IL17RC: variants seen among roughly 807,000 people sequenced by gnomAD.
The protein encoded by IL17RC is interleukin-17 receptor C.
IL17RC carries 53 observed loss-of-function variants against 86.7 expected under a neutral mutation model. That is an observed-to-expected ratio of 0.61 (90% CI 0.49 to 0.77). The LOEUF (loss-of-function observed/expected upper bound fraction) is 0.77. Ranked by LOEUF, IL17RC falls within the 30% of genes least tolerant of loss-of-function variation. The pLI, the probability that IL17RC is intolerant of heterozygous loss-of-function variation, is 0.00. For synonymous variants in IL17RC, 439 were observed against 413.1 expected, an observed-to-expected ratio of 1.06 and a Z score of -0.76; for missense variants, 957 against 940.0, an observed-to-expected ratio of 1.02 and a Z score of -0.24.
chr3:9,928,840 T>C (rs1198068900), intron 12 of IL17RC, among the ~76,000 whole-genome samples: 1 of 152,206 alleles, frequency 6.6e-6, no homozygotes, highest in Non-Finnish European at 1.5e-5. Flanking sequence ...ATGCAGATGA[T>C]AATACAGTAA....
In IL17RC at chr3:9,928,290, G is replaced by A. The variant is rs747286466; in HGVS notation, c.878-15G>A. On this transcript the variant is annotated splice_polypyrimidine_tract_variant and intron_variant, in intron 10 of 18. Transcript: ENST00000403601. Reference sequence around the variant, plus strand: ...TGGGTACCTGGCCTGCGGTGACTGTGCCCTTTCCTTGCAGACCCCCGCGCA... The same window carrying A: ...TGGGTACCTGGCCTGCGGTGACTGTACCCTTTCCTTGCAGACCCCCGCGCA... 9 of 1,611,266 alleles carry A rather than the reference G, an allele frequency of 5.6e-6. 1 individual carries two copies. The South Asian group carries it at 9.9e-5, about 18-fold the overall frequency.
chr3:9,918,612 A>G lies in IL17RC; in HGVS notation c.465+3A>G. On this transcript the variant is annotated splice_donor_region_variant and intron_variant, in intron 5 of 18. Transcript: ENST00000403601. Reference sequence around the variant, plus strand: ...TTGTGCAGTTTGGTCAGTCTGTGGTATGCAAAATAATAATAATCACCTTCT... The same window carrying G: ...TTGTGCAGTTTGGTCAGTCTGTGGTGTGCAAAATAATAATAATCACCTTCT... 1 of 1,589,608 alleles carries G rather than the reference A, an allele frequency of 6.3e-7. No individual in the cohort carries two copies. The highest frequency in any genetic ancestry group is 8.6e-7 in the Non-Finnish European group (1 of 1,158,008).
intron 9 of IL17RC, among the ~76,000 whole-genome samples, chr3:9,926,552 G>A (rs963427761): frequency 5.3e-5 from 8 of 151,998 alleles, no homozygotes; most frequent in Middle Eastern, 3.4e-3. Flanking sequence ...TAATTCAAAT[G>A]TAATAGCTTT....
Position 9,930,032 on chromosome 3 carries a change from C to T in IL17RC, c.1161C>T (p.Ser387=). 1 of 1,614,034 alleles carries T rather than the reference C, an allele frequency of 6.2e-7. No homozygotes were observed. Among genetic ancestry groups the T allele is most frequent in the Non-Finnish European group, 8.5e-7 (1 of 1,179,980 alleles). The change falls in exon 14 of 19, where the codon TCC becomes TCT. Residue 387 remains serine (S), a synonymous_variant. Coordinates refer to ENST00000403601, the MANE Select transcript of IL17RC (RefSeq NM_153460.4). This position sits in a 1 kb window ranked among gnomAD's most constrained non-coding sequence, Gnocchi z 5.8. The part of the protein sequence containing the change: ...LQLQECLWAD[S]LGPLKDDVLL... ...GTGGCCTCTCACCCCTTCCAGACTCCCTGGGGCCTCTCAAAGACGATGTGC... is the reference window on the plus strand; with the variant it reads ...GTGGCCTCTCACCCCTTCCAGACTCTCTGGGGCCTCTCAAAGACGATGTGC...
Position 9,927,595 on chromosome 3 carries a change from G to C in IL17RC, c.823-571G>C, listed in dbSNP as rs140696250. Among the ~76,000 whole-genome samples, 18 of 151,578 alleles carry C rather than the reference G, an allele frequency of 1.2e-4. No homozygotes were observed. In the East Asian group the frequency reaches 2.5e-3, roughly 21 times the overall value. On this transcript the variant is annotated intron_variant, in intron 9 of 18. Transcript: ENST00000403601. ...AATAATAAAAATTTAATTATCCAAG[G>C]TCTCTTGTGCTTGCCATACTGCTAA... is the stretch of plus-strand genomic sequence containing the variant.
At chr3:9,927,162 C>T (rs1384229655) in intron 9 of IL17RC, among the ~76,000 whole-genome samples, 2 of 152,212 alleles carry the variant, frequency 1.3e-5, no homozygotes, top group African/African-American at 4.8e-5. Flanking sequence ...ATAATAGGCA[C>T]TCTTGAAATG....
intron 16 of IL17RC, among the ~76,000 whole-genome samples, chr3:9,931,472 T>TAC (rs1559321198): frequency 3.7e-4 from 3 of 8,082 alleles, no homozygotes; most frequent in African/African-American, 5.3e-4. Context: ...CACACACACA[T>TAC]ATATATATAT....
rs761179998 is a variant in IL17RC at position 9,933,067 on chromosome 3, T to C, written c.1637T>C (p.Val546Ala). The C allele has an allele frequency of 5.8e-6, 9 of 1,554,280 alleles. No individual in the cohort carries two copies. The highest frequency in any genetic ancestry group is 2.4e-5 in the South Asian group (2 of 82,508). The part of the protein sequence containing the change: ...ALCQLPLRVA[V>A]DLWSRRELSA... Reference sequence around the variant, plus strand: ...TGCCAGCTGCCGCTGCGCGTGGCCGTAGACCTGTGGAGCCGTCGTGAACTG... The same window carrying C: ...TGCCAGCTGCCGCTGCGCGTGGCCGCAGACCTGTGGAGCCGTCGTGAACTG... The change falls in exon 19 of 19, where the codon GTA becomes GCA. Residue 546 changes from valine to alanine, a missense_variant. Transcript: ENST00000403601.
intron 7 of IL17RC, among the ~76,000 whole-genome samples, chr3:9,921,257 C>T (rs115414693): frequency 1.0e-3 from 159 of 152,180 alleles, no homozygotes; most frequent in African/African-American, 3.7e-3. Context: ...AAGTTCAAGA[C>T]GAGCCTGGGC....
Position 9,928,417 on chromosome 3 carries a change from G to A in IL17RC, c.990G>A (p.Trp330Ter). 2 of 1,607,052 alleles carry A rather than the reference G, an allele frequency of 1.2e-6. No homozygotes were observed. Among genetic ancestry groups the A allele is most frequent in the African/African-American group, 1.3e-5 (1 of 74,922 alleles). The change falls in exon 11 of 19, where the codon TGG (tryptophan) becomes TGA (stop). Residue 330 changes from tryptophan (W) to a stop codon, truncating the protein, a stop_gained. Transcript: ENST00000403601. LOFTEE classifies it high-confidence loss of function. Reference sequence around the variant, plus strand: ...TGCCCGCAGAAGCGGCACTGTGCTGGCGGGCTCCGGGTGGGGACCCCTGCC... The same window carrying A: ...TGCCCGCAGAAGCGGCACTGTGCTGACGGGCTCCGGGTGGGGACCCCTGCC... Reference protein sequence around the residue: ...CSLPAEAALCWRAPGGDPCQP... With the variant: ...CSLPAEAALC
chr3:9,925,316 C>G (rs2083959920), intron 9 of IL17RC, among the ~76,000 whole-genome samples: 1 of 151,900 alleles, frequency 6.6e-6, no homozygotes, highest in African/African-American at 2.4e-5. Flanking sequence ...CAGGGTTTCA[C>G]CGTGTTAGCC....
In IL17RC at chr3:9,928,311, G is replaced by T; in HGVS notation, c.884G>T (p.Arg295Leu). Reference protein sequence around the residue: ...TNICPFREDPRAHQNLWQAAR... With the variant: ...TNICPFREDPLAHQNLWQAAR... Reference sequence around the variant, plus strand: ...CTGTGCCCTTTCCTTGCAGACCCCCGCGCACACCAGAACCTCTGGCAAGCC... The same window carrying T: ...CTGTGCCCTTTCCTTGCAGACCCCCTCGCACACCAGAACCTCTGGCAAGCC... The change falls in exon 11 of 19, where the codon CGC becomes CTC. Residue 295 changes from arginine to leucine, a missense_variant. Transcript: ENST00000403601. The T allele has an allele frequency of 6.2e-7, 1 of 1,607,428 alleles. No homozygotes were observed.
At position 9,927,342 on chromosome 3, in the gene IL17RC, A is replaced by G. The variant is rs1378055851; in HGVS notation, c.823-824A>G. Among the ~76,000 whole-genome samples the G allele has an allele frequency of 3.3e-5, 4 of 119,846 alleles. No individual in the cohort carries two copies. The East Asian group carries it at 1.0e-3, about 30-fold the overall frequency. 78.6% of individuals were successfully genotyped at this position (119,846 alleles called of 152,430 possible). A position where few individuals can be genotyped will look rare whatever the true frequency, so the allele number is the denominator to read the frequency against. ...GGGAGGCCAAGGTGGGTGGATCACG[A>G]GGTCAGGAGTTTGAGACCAGCCTGG... On this transcript the variant is annotated intron_variant, in intron 9 of 18. Transcript: ENST00000403601.
At chr3:9,932,775 C>T in intron 17 of IL17RC, 45 bp from the exon 18 acceptor site, 1 of 1,587,080 alleles carries the variant, frequency 6.3e-7, no homozygotes, top group African/African-American at 1.3e-5. Context: ...CGAGGGAAAG[C>T]GGCGGCCGAG....
At chr3:9,928,246 G>A (rs773529540) in intron 10 of IL17RC, 26 bp downstream of exon 10, 31 of 1,574,592 alleles carry the variant, frequency 2.0e-5, no homozygotes, top group South Asian at 4.5e-5. Context: ...TGGGGCTGGG[G>A]TTGGGGTGTT....
chr3:9,932,845 C>T lies in IL17RC; in HGVS notation c.1509C>T (p.Asp503=), dbSNP rs1404393205. 2 of 1,564,730 alleles carry T rather than the reference C, an allele frequency of 1.3e-6. No individual in the cohort carries two copies. The highest frequency in any genetic ancestry group is 1.2e-5 in the South Asian group (1 of 82,310). ...AKGWLRLLKQ[D]VRSGAAARGR... ...GGTGGCTGAGGCTCTTGAAACAGGA[C>T]GTCCGCTCGGGGGGTGAGTGGGAGC... Residue 503 remains aspartate, a synonymous_variant, in exon 18 of 19, where the codon GAC becomes GAT. Transcript: ENST00000403601.
At chr3:9,918,870 G>C (rs1464803132) in intron 5 of IL17RC, among the ~76,000 whole-genome samples, 1 of 152,090 alleles carries the variant, frequency 6.6e-6, no homozygotes, top group Non-Finnish European at 1.5e-5. Context: ...CTGTAAAATG[G>C]GGATGAGAAT....
Position 9,930,334 on chromosome 3 carries a change from C to T in IL17RC, c.1279-66C>T. 6.3e-7 allele frequency: 1 copy of T among 1,585,510 alleles called. No homozygotes were observed. The highest frequency in any genetic ancestry group is 1.3e-5 in the African/African-American group (1 of 74,488). ...TCTACCTCATTCTACCCAGCTGTAG[C>T]CTGGTAGGTGCTGCCCTAAGGGTGC... On this transcript the variant is annotated intron_variant, in intron 14 of 18. Transcript: ENST00000403601. The surrounding 1 kb of genome is among the most constrained non-coding windows in gnomAD (Gnocchi z 5.8).
rs756868871 is a variant in IL17RC, at chr3:9,917,403, G to T, written c.88G>T (p.Ala30Ser). ...GGAGAGGCTTGTGGGGCCTCAGGAC[G>T]CTACCCACTGCTCTCCGGTGAGTCT... is the stretch of plus-strand genomic sequence containing the variant. ...SLERLVGPQDATHCSPGLSCR... is the reference protein window; with the variant it reads ...SLERLVGPQDSTHCSPGLSCR... Residue 30 changes from alanine to serine, a missense_variant, in exon 1 of 19, where the codon GCT becomes TCT. Transcript: ENST00000403601. The T allele has an allele frequency of 6.8e-6, 11 of 1,614,162 alleles. No homozygotes were observed. The highest frequency in any genetic ancestry group is 2.2e-5 in the South Asian group (2 of 91,082).
Sources: allele counts gnomAD v4.1 joint callset (sites outside exome capture counted in the v4.1 genomes callset), GRCh38; gene constraint gnomAD v4.1.1; non-coding constraint Gnocchi (gnomAD v3.1); transcripts MANE v1.5; gene names NCBI Gene and HGNC (gene_info 2026-07-23, HGNC 2026-07-21).